Variants in ZNF226 observed in about 807,000 individuals in gnomAD.
ZNF226 encodes the protein zinc finger protein 226.
Under a neutral mutation model 11.4 loss-of-function variants are expected in ZNF226, and 6 were observed. The observed-to-expected ratio is 0.53, with a 90% CI of 0.29 to 1.04. ZNF226 has a LOEUF of 1.04. ZNF226 is among the 50% of genes least tolerant of loss of function. The pLI, the probability that ZNF226 is intolerant of heterozygous loss-of-function variation, is 0.08. For synonymous variants in ZNF226, 350 were observed against 322.8 expected (o/e 1.08, Z -0.90); for missense variants, 1,058 against 956.5 (o/e 1.11, Z -1.40).
chr19:44,174,940 A>G (rs374003504), intron 5 of ZNF226: 106 of 1,584,878 alleles, frequency 6.7e-5, no homozygotes, highest in Non-Finnish European at 2.2e-5. Context: ...CAGCTTTTCA[A>G]CTTTGCAGCA....
At chr19:44,167,393 A>G (rs1969524356) in intron 2 of ZNF226, among the ~76,000 whole-genome samples, 1 of 135,648 alleles carries the variant, frequency 7.4e-6, no homozygotes, top group South Asian at 2.2e-4. Flanking sequence ...ATCTCGGCTC[A>G]CTGCAACCTC....
rs1568573838 is a variant in ZNF226, at chr19:44,176,970, CAG to C, written c.1711_1712del (p.Ser571LeufsTer13). 6.2e-6 allele frequency: 10 copies of C among 1,613,892 alleles called. No homozygotes were observed. The highest frequency in any genetic ancestry group is 7.6e-6 in the Non-Finnish European group (9 of 1,179,882). ...TGAGGAGTGTGGGCAGGGTTTCAAT[CAG>C]AGCTCACGACTTCAGATTCACCAGC... ...KCEECGQGFN[Q>X]SSRLQIHQLI... is the part of the protein sequence containing the mutation. On this transcript the variant is annotated frameshift_variant, in exon 6 of 6. Coordinates refer to ENST00000337433, the MANE Select transcript of ZNF226 (RefSeq NM_001032373.2). LOFTEE classifies it low-confidence loss of function (END_TRUNC).
chr19:44,171,952 C>A, intron 3 of ZNF226, 136 bp from the exon 4 acceptor site: 3 of 1,159,924 alleles, frequency 2.6e-6, no homozygotes, highest in Non-Finnish European at 3.7e-6. Context: ...CAGTGTATGG[C>A]ATTGGCAAGA....
chr19:44,175,814 G>A lies in ZNF226; in HGVS notation c.552G>A (p.Leu184=). ...RKTFLTESQR[L]NRDQQISIKN... is the part of the protein sequence containing the mutation. ...CATTCCTGACTGAGTCACAGAGATT[G>A]AACAGAGATCAGCAAATTTCCATAA... Residue 184 remains leucine (L), a synonymous_variant, in exon 6 of 6, where the codon TTG becomes TTA. Coordinates refer to ENST00000337433, the MANE Select transcript of ZNF226 (RefSeq NM_001032373.2). 1 of 1,613,688 alleles carries A rather than the reference G, an allele frequency of 6.2e-7. No individual in the cohort carries two copies. Among genetic ancestry groups the A allele is most frequent in the South Asian group, 1.1e-5 (1 of 90,980 alleles).
At position 44,175,700 on chromosome 19, in the gene ZNF226, G is replaced by A; in HGVS notation, c.438G>A (p.Glu146=). The A allele has an allele frequency of 1.2e-6, 2 of 1,612,838 alleles. No individual in the cohort carries two copies. Among genetic ancestry groups the A allele is most frequent in the Non-Finnish European group, 1.7e-6 (2 of 1,179,534 alleles). The part of the protein sequence containing the change: ...TELSIQISED[E]NYIVNKADGP... ...TGTCTATTCAAATTTCTGAAGATGA[G>A]AACTATATAGTAAATAAAGCAGATG... Residue 146 remains glutamate (E), a synonymous_variant, in exon 6 of 6, where the codon GAG becomes GAA. Transcript: ENST00000337433.
intron 3 of ZNF226, 40 bp downstream of exon 3, chr19:44,170,135 T>G (rs1969908076): frequency 6.2e-7 from 1 of 1,603,588 alleles, no homozygotes; most frequent in African/African-American, 1.3e-5. Flanking sequence ...AAAAATACCA[T>G]TTTAGTACTC....
downstream of ZNF226, among the ~76,000 whole-genome samples, chr19:44,180,086 CA>C (rs60173546): frequency 0.022 from 1,187 of 54,526 alleles, 5 homozygotes; most frequent in East Asian, 0.053. Flanking sequence ...GACTCTGTCT[CA>C]AAAAAAAAAA....
chr19:44,196,978 TCAA>T, the ZNF226 span, among the ~76,000 whole-genome samples: 2 of 152,204 alleles, frequency 1.3e-5, no homozygotes, highest in African/African-American at 4.8e-5. Context: ...CCCCTCTCTC[TCAA>T]CTATAATCAC....
chr19:44,169,910 C>T (rs1969888108), intron 2 of ZNF226, 125 bp from the exon 3 acceptor site: 2 of 543,130 alleles, frequency 3.7e-6, no homozygotes, highest in Non-Finnish European at 3.2e-6. Context: ...TCATAATCTG[C>T]TTAAAAGCCA....
At chr19:44,186,718 T>C in the ZNF226 span, among the ~76,000 whole-genome samples, 2 of 152,064 alleles carry the variant, frequency 1.3e-5, no homozygotes, top group African/African-American at 2.4e-5. Flanking sequence ...TCCAGTACTA[T>C]GTCAAATAGT....
At chr19:44,178,046 A>T (rs372458543), downstream of ZNF226, 80 of 166,920 alleles carry the variant, frequency 4.8e-4, no homozygotes, top group Middle Eastern at 3.2e-3. Context: ...TTTGAAAATT[A>T]TGTTGAGATC....
downstream of ZNF226, among the ~76,000 whole-genome samples, chr19:44,181,903 C>G (rs919612903): frequency 1.3e-5 from 2 of 152,066 alleles, no homozygotes; most frequent in Non-Finnish European, 2.9e-5. Flanking sequence ...GAGGAGTCAC[C>G]AAGTAGAAAA....
chr19:44,198,494 A>T, the ZNF226 span, among the ~76,000 whole-genome samples: 2 of 152,342 alleles, frequency 1.3e-5, no homozygotes, highest in South Asian at 4.1e-4. Context: ...ATGTGTCATG[A>T]TTGTTTAATT....
intron 5 of ZNF226, 100 bp from the exon 6 acceptor site, chr19:44,175,398 T>A: frequency 6.8e-7 from 1 of 1,460,988 alleles, no homozygotes; most frequent in Non-Finnish European, 9.0e-7. Flanking sequence ...AGCAGAACTA[T>A]CCCGAGGTTC....
At chr19:44,193,217 A>G in the ZNF226 span, among the ~76,000 whole-genome samples, 1 of 152,058 alleles carries the variant, frequency 6.6e-6, no homozygotes, top group Non-Finnish European at 1.5e-5. Flanking sequence ...CAGTTTCATA[A>G]AGTTCTTTTA....
chr19:44,172,909 G>A lies in ZNF226; in HGVS notation c.192G>A (p.Gln64=). 1 of 1,606,238 alleles carries A rather than the reference G, an allele frequency of 6.2e-7. No homozygotes were observed. The highest frequency in any genetic ancestry group is 8.5e-7 in the Non-Finnish European group (1 of 1,176,324). Reference sequence around the variant, plus strand: ...TATCACCTATAGAAAGAAATGAGCAGCTTTGGATAATGACGACAGCAACCC... The same window carrying A: ...TATCACCTATAGAAAGAAATGAGCAACTTTGGATAATGACGACAGCAACCC... The part of the protein sequence containing the change: ...QDVSPIERNE[Q]LWIMTTATRR... Residue 64 remains glutamine, a synonymous_variant, in exon 5 of 6, where the codon CAG becomes CAA. Coordinates refer to ENST00000337433, the MANE Select transcript of ZNF226 (RefSeq NM_001032373.2).
At chr19:44,165,316 T>A (rs1448848238) in intron 1 of ZNF226, 174 bp downstream of exon 1, 1 of 152,154 alleles carries the variant, frequency 6.6e-6, no homozygotes, top group African/African-American at 2.4e-5. Flanking sequence ...GCGTACTGGC[T>A]TCGGGCGGCT....
At chr19:44,182,812 A>T (rs1970927267), downstream of ZNF226, among the ~76,000 whole-genome samples, 2 of 152,310 alleles carry the variant, frequency 1.3e-5, no homozygotes, top group African/African-American at 2.4e-5. Flanking sequence ...AGTCAAAGGG[A>T]TTATCAGAGA....
chr19:44,172,855 C>T lies in ZNF226; in HGVS notation c.143-5C>T. ...TTTTCAACTTGTGATTTGGCATTTT[C>T]ACAGGGCATCCACCCTTCAAACAAG... On this transcript the variant is annotated splice_region_variant and splice_polypyrimidine_tract_variant and intron_variant, in intron 4 of 5. Transcript: ENST00000337433. 6.3e-7 allele frequency: 1 copy of T among 1,591,496 alleles called. No homozygotes were observed. Among genetic ancestry groups the T allele is most frequent in the Non-Finnish European group, 8.6e-7 (1 of 1,168,816 alleles).
Sources: gnomAD v4.1 joint callset for allele counts (sites outside exome capture counted in the v4.1 genomes callset) on GRCh38, gnomAD v4.1.1 for gene constraint, MANE v1.5 for transcripts, NCBI Gene and HGNC (gene_info 2026-07-23, HGNC 2026-07-21) for gene names.